The following BAZ2B variants were observed in gnomAD, a reference collection of about 807,000 sequenced individuals.
The protein encoded by BAZ2B is bromodomain adjacent to zinc finger domain protein 2B.
BAZ2B carries 91 observed loss-of-function variants against 246.0 expected under a neutral mutation model. That is an observed-to-expected ratio of 0.37 (90% CI 0.31 to 0.44). The LOEUF is 0.44. BAZ2B is among the 20% of genes least tolerant of loss of function. BAZ2B has a pLI of 1.00. For synonymous variants in BAZ2B, 855 were observed against 860.0 expected (o/e 0.99, Z 0.10); for missense variants, 2,332 against 2,533.7 (o/e 0.92, Z 1.71).
At chr2:159,466,094 C>G (rs2077012308) in intron 3 of BAZ2B, among the ~76,000 whole-genome samples, 1 of 152,184 alleles carries the variant, frequency 6.6e-6, no homozygotes, top group African/African-American at 2.4e-5. Flanking sequence ...TGATGATTCT[C>G]TACTAAGTAT....
chr2:159,458,033 T>C (rs1016391666), intron 3 of BAZ2B, among the ~76,000 whole-genome samples: 1 of 152,138 alleles, frequency 6.6e-6, no homozygotes, highest in Non-Finnish European at 1.5e-5. Flanking sequence ...TTTTTTGACA[T>C]GGAGTCTCCA....
chr2:159,487,556 G>A (rs746403539), intron 2 of BAZ2B, among the ~76,000 whole-genome samples: 4 of 151,962 alleles, frequency 2.6e-5, no homozygotes, highest in African/African-American at 4.8e-5. Flanking sequence ...CACTGCCCAC[G>A]GTATCTTAAA....
At chr2:159,702,812 G>A in the BAZ2B span, among the ~76,000 whole-genome samples, 20 of 152,094 alleles carry the variant, frequency 1.3e-4, no homozygotes, top group Admixed American at 6.5e-5. Context: ...ACGCCGAGGC[G>A]GGCGGATCAT....
the BAZ2B span, among the ~76,000 whole-genome samples, chr2:159,634,473 G>C: frequency 6.6e-6 from 1 of 152,242 alleles, no homozygotes; most frequent in Non-Finnish European, 1.5e-5. Flanking sequence ...TTATCCATTA[G>C]CATGCACATG....
chr2:159,587,081 C>CTT (rs879641658), intron 1 of BAZ2B, among the ~76,000 whole-genome samples: 4 of 144,006 alleles, frequency 2.8e-5, no homozygotes, highest in Non-Finnish European at 3.1e-5. Context: ...TCACCTGCAA[C>CTT]TTTTTTTTTT....
intron 2 of BAZ2B, among the ~76,000 whole-genome samples, chr2:159,481,608 A>G (rs903180632): frequency 1.1e-4 from 17 of 151,916 alleles, no homozygotes; most frequent in Non-Finnish European, 2.1e-4. Context: ...ATTACCTATA[A>G]CAAAATATCA....
At position 159,522,041 on chromosome 2, in the gene BAZ2B, A is replaced by G. The variant is rs537275293; in HGVS notation, c.-3+33782T>C. 4.2e-3 allele frequency among the ~76,000 whole-genome samples: 645 copies of G among 152,182 alleles called. 1 individual carries two copies. The highest frequency in any genetic ancestry group is 0.014 in the African/African-American group (598 of 41,564). On this transcript the variant is annotated intron_variant, in intron 2 of 36. Coordinates refer to ENST00000392783, the MANE Select transcript of BAZ2B (RefSeq NM_013450.4). ...TAGGGCTAATATAATCATTAAAATG[A>G]AAATTATTCTCAAGTTTTTAAAATA...
At chr2:159,373,238 TA>T (rs2149410761) in intron 26 of BAZ2B, 49 bp from the exon 27 acceptor site, 1 of 1,515,634 alleles carries the variant, frequency 6.6e-7, no homozygotes, top group South Asian at 1.2e-5. Context: ...TTAAATGCTT[TA>T]AAAATTAATA....
chr2:159,499,221 T>C (rs116341691), intron 2 of BAZ2B, among the ~76,000 whole-genome samples: 68 of 152,286 alleles, frequency 4.5e-4, no homozygotes, highest in African/African-American at 1.6e-3. Flanking sequence ...ATATCTCCTC[T>C]TTGTGTTCAC....
intron 2 of BAZ2B, among the ~76,000 whole-genome samples, chr2:159,549,526 C>T (rs932783678): frequency 7.9e-5 from 12 of 152,038 alleles, no homozygotes; most frequent in Non-Finnish European, 1.5e-4. Flanking sequence ...TTGGCTTCCC[C>T]GGGCTACACT....
chr2:159,386,154 A>C (rs1198931897), intron 22 of BAZ2B, among the ~76,000 whole-genome samples, 199 bp downstream of exon 22: 1 of 152,138 alleles, frequency 6.6e-6, no homozygotes, highest in Non-Finnish European at 1.5e-5. Flanking sequence ...TAACTTGAGA[A>C]TGGTCTACAT....
the BAZ2B span, chr2:159,695,168 T>A: frequency 6.6e-6 from 1 of 152,244 alleles, no homozygotes; most frequent in African/African-American, 2.4e-5. Flanking sequence ...CTTTGCCAAT[T>A]TTACAATAAT....
At chr2:159,701,732 T>TTA in the BAZ2B span, among the ~76,000 whole-genome samples, 2 of 148,464 alleles carry the variant, frequency 1.3e-5, no homozygotes, top group South Asian at 2.1e-4. Flanking sequence ...ATATTACATA[T>TTA]TATATATATA....
the BAZ2B span, chr2:159,693,710 CTTT>C: frequency 1.4e-5 from 2 of 142,354 alleles, no homozygotes; most frequent in East Asian, 2.0e-4. Context: ...ACCTGACCAT[CTTT>C]TTTTTTTTTT....
rs73967849 is a variant in BAZ2B, at chr2:159,373,272, G to A, written c.4069-83C>T. On this transcript the variant is annotated intron_variant, in intron 26 of 36. Coordinates refer to ENST00000392783, the MANE Select transcript of BAZ2B (RefSeq NM_013450.4). ...ATATATATGTAACTTTATACTTATT[G>A]TACCTTTAAGCACATAAATTTCACT... The A allele has an allele frequency of 3.1e-3, 3,994 of 1,271,418 alleles. 106 individuals carry two copies. The African/African-American group carries it at 0.055, about 18-fold the overall frequency. The allele number at this position is 1,271,418 out of a possible 1,614,324, so 78.8% of individuals were successfully genotyped here. A position where few individuals can be genotyped will look rare whatever the true frequency, so the allele number is the denominator to read the frequency against.
At chr2:159,356,858 A>C (rs1287236491) in intron 27 of BAZ2B, among the ~76,000 whole-genome samples, 1 of 152,206 alleles carries the variant, frequency 6.6e-6, no homozygotes, top group African/African-American at 2.4e-5. Context: ...GACCTCCAGC[A>C]AACTCCAGCA....
At chr2:159,411,490 TTC>T (rs1490541757) in intron 14 of BAZ2B, among the ~76,000 whole-genome samples, 10 of 152,220 alleles carry the variant, frequency 6.6e-5, no homozygotes, top group African/African-American at 2.4e-4. Context: ...AGTAGTAAAA[TTC>T]TGTTAGATTT....
chr2:159,495,795 AG>A (rs2081052097), intron 2 of BAZ2B, among the ~76,000 whole-genome samples: 2 of 75,172 alleles, frequency 2.7e-5, no homozygotes, highest in Admixed American at 2.2e-4. Context: ...TTTGAGACAG[AG>A]TCTCGCTCTG....
At chr2:159,580,562 C>T (rs963083650) in intron 1 of BAZ2B, among the ~76,000 whole-genome samples, 7 of 152,216 alleles carry the variant, frequency 4.6e-5, no homozygotes, top group African/African-American at 1.7e-4. Flanking sequence ...CTGGAAAAAA[C>T]TACTTTAAAG....
Sources: allele counts gnomAD v4.1 joint callset (sites outside exome capture counted in the v4.1 genomes callset), GRCh38; gene constraint gnomAD v4.1.1; transcripts MANE v1.5; gene names NCBI Gene and HGNC (gene_info 2026-07-23, HGNC 2026-07-21).